FERMT2: variants seen among roughly 807,000 people sequenced by gnomAD.
The protein encoded by FERMT2 is FERM domain containing kindlin 2.
FERMT2 carries 15 observed loss-of-function variants against 82.7 expected under a neutral mutation model. The ratio of observed to expected loss-of-function variants is 0.18; its 90% CI spans 0.12 to 0.28. FERMT2 has a LOEUF of 0.28. Among genes scored for constraint, FERMT2 ranks in the 10% least tolerant of loss-of-function variants. The pLI is 1.00. For synonymous variants in FERMT2, 274 were observed against 271.5 expected (o/e 1.01, Z -0.09); for missense variants, 645 against 809.4 (o/e 0.80, Z 2.46).
At chr14:52,873,868 T>C (rs1885785944) in intron 9 of FERMT2, among the ~76,000 whole-genome samples, 1 of 152,150 alleles carries the variant, frequency 6.6e-6, no homozygotes, top group African/African-American at 2.4e-5. Flanking sequence ...TATGTACTGC[T>C]TCCAACTGAG....
chr14:52,896,994 AATAAAACACACACAC>A (rs1887296416), intron 3 of FERMT2, among the ~76,000 whole-genome samples: 2 of 108,744 alleles, frequency 1.8e-5, no homozygotes, highest in South Asian at 7.2e-4. Context: ...CTGCAAAACA[AATAAAACACACACAC>A]ACACACACAC....
At chr14:52,917,874 T>G (rs1474923023) in intron 3 of FERMT2, among the ~76,000 whole-genome samples, 1 of 152,200 alleles carries the variant, frequency 6.6e-6, no homozygotes, top group Admixed American at 6.5e-5. Context: ...AAGAGGTAGG[T>G]AGTCTCAGCA....
chr14:52,926,719 G>C (rs1377927057), intron 2 of FERMT2, among the ~76,000 whole-genome samples: 5 of 151,694 alleles, frequency 3.3e-5, no homozygotes, highest in Non-Finnish European at 5.9e-5. Flanking sequence ...GTGGGGCGTG[G>C]GGGGTAAAAA....
intron 2 of FERMT2, among the ~76,000 whole-genome samples, chr14:52,946,380 T>C (rs1386861992): frequency 6.8e-6 from 1 of 147,358 alleles, no homozygotes; most frequent in Non-Finnish European, 1.5e-5. Flanking sequence ...AAAACAGGCA[T>C]GGCAGCTCAC....
rs902954398 is a variant in FERMT2, at chr14:52,950,579, T to C, written c.-9-2A>G. ...CCCGTCCAGAGCCATGGCTCCTTCC[T>C]GCGAGCGCGGAGGAAATGGCTCTCG... is the stretch of plus-strand genomic sequence containing the variant. On this transcript the variant is annotated splice_acceptor_variant, in intron 1 of 14. Transcript: ENST00000341590. LOFTEE classifies it low-confidence loss of function (5UTR_SPLICE). 6.2e-7 allele frequency: 1 copy of C among 1,610,728 alleles called. No individual in the cohort carries two copies. The highest frequency in any genetic ancestry group is 1.3e-5 in the African/African-American group (1 of 74,682).
Position 52,919,146 on chromosome 14 carries a change from A to G in FERMT2, c.368T>C (p.Val123Ala). The change falls in exon 3 of 15, where the codon GTT becomes GCT. Residue 123 changes from valine to alanine, a missense_variant. Transcript: ENST00000341590. ...ACTAAAAGTCTTACAGATGTCAGAA[A>G]CAGCTTTGAAGACTCTATCAGAGAA... The part of the protein sequence containing the change: ...VNFSDRVFKA[V>A]SDICKTFNIR... 1 of 1,612,190 alleles carries G rather than the reference A, an allele frequency of 6.2e-7. No individual in the cohort carries two copies. The highest frequency in any genetic ancestry group is 2.2e-5 in the East Asian group (1 of 44,854).
At position 52,927,592 on chromosome 14, in the gene FERMT2, T is replaced by TAAAAA. The variant is rs71125150; in HGVS notation, c.158-8241_158-8237dup. On this transcript the variant is annotated intron_variant, in intron 2 of 14. Coordinates refer to ENST00000341590, the MANE Select transcript of FERMT2 (RefSeq NM_006832.3). ...GCAACATAGCAAAACCTCATCCCTA[T>TAAAAA]AAAAAAAAAAAAAAAAAAAAAAAAA... Among the ~76,000 whole-genome samples the TAAAAA allele has an allele frequency of 3.7e-3, 125 of 33,720 alleles. 17 individuals are homozygous for TAAAAA. Among genetic ancestry groups the TAAAAA allele is most frequent in the Admixed American group, 5.3e-3 (13 of 2,440 alleles). The allele number at this position is 33,720 out of a possible 152,430, so 22.1% of individuals were successfully genotyped here. A position where few individuals can be genotyped will look rare whatever the true frequency, so the allele number is the denominator to read the frequency against.
chr14:52,931,857 G>A lies in FERMT2; in HGVS notation c.158-12501C>T, dbSNP rs1889589739. 2.0e-5 allele frequency among the ~76,000 whole-genome samples: 3 copies of A among 152,200 alleles called. No individual in the cohort carries two copies. The East Asian group carries it at 5.8e-4, about 29-fold the overall frequency. On this transcript the variant is annotated intron_variant, in intron 2 of 14. Coordinates refer to ENST00000341590, the MANE Select transcript of FERMT2 (RefSeq NM_006832.3). ...ATTCTGGCTAACATGGTGAAACCCT[G>A]TCTCTACTAAAAATACAAAAAATTA... is the stretch of plus-strand genomic sequence containing the variant.
intron 10 of FERMT2, chr14:52,871,656 T>A (rs1280099421): frequency 2.6e-5 from 4 of 151,918 alleles, no homozygotes; most frequent in South Asian, 4.2e-4. Flanking sequence ...ATCACTGAAA[T>A]AGAAAATTAA....
At chr14:52,940,844 A>C (rs961292100) in intron 2 of FERMT2, among the ~76,000 whole-genome samples, 4 of 152,226 alleles carry the variant, frequency 2.6e-5, no homozygotes, top group Non-Finnish European at 5.9e-5. Flanking sequence ...TAACAAGGGT[A>C]GGGTAGACCT....
chr14:52,942,745 T>C (rs761719050), intron 2 of FERMT2, among the ~76,000 whole-genome samples: 1 of 152,180 alleles, frequency 6.6e-6, no homozygotes, highest in Non-Finnish European at 1.5e-5. Flanking sequence ...AGGCAACCTG[T>C]TATTTCTTAA....
At chr14:52,871,338 T>A (rs1885610870) in intron 10 of FERMT2, 6 of 152,402 alleles carry the variant, frequency 3.9e-5, no homozygotes, top group Admixed American at 3.3e-4. Flanking sequence ...GCCAGCTGAT[T>A]GACTGCATCA....
intron 2 of FERMT2, among the ~76,000 whole-genome samples, chr14:52,932,702 C>T (rs900007925): frequency 6.6e-6 from 1 of 152,176 alleles, no homozygotes; most frequent in Admixed American, 6.5e-5. Flanking sequence ...CTGAGTCATT[C>T]CTCTCTTCCT....
At chr14:52,927,573 T>C (rs1215581531) in intron 2 of FERMT2, among the ~76,000 whole-genome samples, 1 of 69,020 alleles carries the variant, frequency 1.4e-5, no homozygotes, top group Non-Finnish European at 2.6e-5. Context: ...CTGGGCAACA[T>C]AGCAAAACCT....
intron 3 of FERMT2, among the ~76,000 whole-genome samples, chr14:52,895,752 C>T (rs891915806): frequency 6.6e-6 from 1 of 152,168 alleles, no homozygotes; most frequent in African/African-American, 2.4e-5. Context: ...AAATTTCACA[C>T]TTTAAATAGA....
chr14:52,892,565 C>T (rs1887007816), intron 4 of FERMT2, among the ~76,000 whole-genome samples: 1 of 151,400 alleles, frequency 6.6e-6, no homozygotes, highest in Non-Finnish European at 1.5e-5. Flanking sequence ...GGTGATTCTC[C>T]TGCCTCACTC....
chr14:52,917,786 A>G (rs1210062179), intron 3 of FERMT2, among the ~76,000 whole-genome samples: 1 of 152,238 alleles, frequency 6.6e-6, no homozygotes, highest in Non-Finnish European at 1.5e-5. Flanking sequence ...CCCAAACTAA[A>G]CACAAGAAAT....
chr14:52,881,500 G>A (rs765790910), intron 4 of FERMT2, 31 bp from the exon 5 acceptor site: 2 of 1,438,432 alleles, frequency 1.4e-6, no homozygotes, highest in East Asian at 2.3e-5. Flanking sequence ...CAGGTAGTAA[G>A]TATGCAGTAC....
At chr14:52,861,858 G>A (rs1278984431) in intron 12 of FERMT2, 1 of 152,112 alleles carries the variant, frequency 6.6e-6, no homozygotes, top group Non-Finnish European at 1.5e-5. Context: ...AGAAAACTAC[G>A]AGTCTATGCC....
Sources: gnomAD v4.1 joint callset for allele counts (sites outside exome capture counted in the v4.1 genomes callset) on GRCh38, gnomAD v4.1.1 for gene constraint, MANE v1.5 for transcripts, NCBI Gene and HGNC (gene_info 2026-07-23, HGNC 2026-07-21) for gene names.